The following GRM1 variants were observed in gnomAD, a reference collection of about 807,000 sequenced individuals.
GRM1 encodes the protein glutamate metabotropic receptor 1, also known as metabotropic glutamate receptor 1.
In GRM1, 33 loss-of-function variants were observed where a neutral mutation model predicts 90.9. The ratio of observed to expected loss-of-function variants is 0.36; its 90% confidence interval spans 0.28 to 0.49. The LOEUF is 0.49. Ranked by LOEUF, GRM1 falls within the 20% of genes least tolerant of loss-of-function variation. The pLI is 0.99. For synonymous variants in GRM1, 700 were observed against 613.2 expected, an observed-to-expected ratio of 1.14 and a Z score of -2.09; for missense variants, 1,190 against 1,534.3, an observed-to-expected ratio of 0.78 and a Z score of 3.75.
intron 2 of GRM1, among the ~76,000 whole-genome samples, chr6:146,243,384 G>A (rs939942729): frequency 4.6e-5 from 7 of 152,006 alleles, no homozygotes; most frequent in African/African-American, 1.7e-4. Context: ...GAAACCAGAG[G>A]AGTAACAGAA....
chr6:146,189,731 C>A (rs760762350), intron 2 of GRM1, among the ~76,000 whole-genome samples: 3 of 152,212 alleles, frequency 2.0e-5, no homozygotes, highest in African/African-American at 7.2e-5. Context: ...CTACCACATT[C>A]TCTGCAGAAG....
At position 146,083,148 on chromosome 6, in the gene GRM1, G is replaced by T. The variant is rs537356164; in HGVS notation, c.700+52931G>T. On this transcript the variant is annotated intron_variant, in intron 1 of 7. Coordinates refer to ENST00000282753, the MANE Select transcript of GRM1 (RefSeq NM_001278064.2). ...AAAGAGTTTTTGGGCTGAGATGATG[G>T]TGTTTTCTAAATATAGAATCATGTT... Among the ~76,000 whole-genome samples, 18 of 152,248 alleles carry T rather than the reference G, an allele frequency of 1.2e-4. No individual in the cohort carries two copies. The South Asian group carries it at 3.7e-3, about 32-fold the overall frequency.
chr6:146,200,971 G>A (rs556678686), intron 2 of GRM1, among the ~76,000 whole-genome samples: 1 of 152,146 alleles, frequency 6.6e-6, no homozygotes, highest in South Asian at 2.1e-4. Context: ...AAACTCATAG[G>A]GAAACATGAG....
At chr6:146,141,083 C>T (rs1583061637) in intron 1 of GRM1, among the ~76,000 whole-genome samples, 2 of 152,274 alleles carry the variant, frequency 1.3e-5, no homozygotes, top group South Asian at 4.1e-4. Context: ...AATCTCTCAA[C>T]TTATGTTTGT....
chr6:146,354,050 A>T (rs1785499792), intron 4 of GRM1, among the ~76,000 whole-genome samples: 1 of 152,286 alleles, frequency 6.6e-6, no homozygotes, highest in African/African-American at 2.4e-5. Flanking sequence ...ACCTTGTGAG[A>T]GCTAAGTGGA....
intron 2 of GRM1, among the ~76,000 whole-genome samples, chr6:146,208,109 A>G (rs1394817082): frequency 6.6e-6 from 1 of 152,030 alleles, no homozygotes; most frequent in Non-Finnish European, 1.5e-5. Flanking sequence ...CTTCATTTGT[A>G]TATACCTACA....
At chr6:146,398,665 T>A (rs1417528964) in intron 6 of GRM1, 104 bp from the exon 7 acceptor site, 4 of 835,216 alleles carry the variant, frequency 4.8e-6, no homozygotes, top group Non-Finnish European at 8.5e-6. Context: ...ATGCTGTAAA[T>A]CATGAAGGAT....
rs554930986 is a variant in GRM1 at position 146,102,551 on chromosome 6, T to C, written c.701-56797T>C. On this transcript the variant is annotated intron_variant, in intron 1 of 7. Transcript: ENST00000282753. ...TCATGCCAGCCTCAGAAATCTCTTC[T>C]ACCAATGCAGATTTCTTTGCATTCT... 4.6e-5 allele frequency among the ~76,000 whole-genome samples: 7 copies of C among 152,352 alleles called. No individual in the cohort carries two copies. In the East Asian group the frequency reaches 1.4e-3, roughly 29 times the overall value.
intron 2 of GRM1, among the ~76,000 whole-genome samples, chr6:146,257,255 A>G (rs1161187171): frequency 6.6e-6 from 1 of 152,158 alleles, no homozygotes; most frequent in Non-Finnish European, 1.5e-5. Flanking sequence ...TTTTCACCTT[A>G]TACAATCAGA....
chr6:146,415,690 G>T (rs80114276), intron 7 of GRM1, among the ~76,000 whole-genome samples: 1,625 of 152,208 alleles, frequency 0.011, 37 homozygotes, highest in African/African-American at 0.037. Context: ...TCCAGGTTTA[G>T]AATATCATTT....
intron 7 of GRM1, among the ~76,000 whole-genome samples, chr6:146,414,653 C>T (rs899588588): frequency 3.9e-5 from 6 of 152,320 alleles, no homozygotes; most frequent in South Asian, 2.1e-4. Context: ...CCGCCCGCCT[C>T]GGCCTCCCGA....
At chr6:146,330,024 T>TC in intron 3 of GRM1, among the ~76,000 whole-genome samples, 1 of 152,314 alleles carries the variant, frequency 6.6e-6, no homozygotes, top group South Asian at 2.1e-4. Context: ...CAGTGTTGAT[T>TC]AAGTAGGCTT....
chr6:146,374,173 T>A (rs1277899050), intron 5 of GRM1, among the ~76,000 whole-genome samples: 1 of 152,096 alleles, frequency 6.6e-6, no homozygotes, highest in Admixed American at 6.6e-5. Context: ...TCGCATTGAT[T>A]AATTTGCATA....
chr6:146,383,755 T>C (rs1184692642), intron 5 of GRM1, among the ~76,000 whole-genome samples: 2 of 152,102 alleles, frequency 1.3e-5, no homozygotes, highest in Non-Finnish European at 2.9e-5. Context: ...TTTTAAAGTA[T>C]GGCAATAATT....
intron 7 of GRM1, among the ~76,000 whole-genome samples, chr6:146,425,430 C>T (rs116527389): frequency 7.5e-4 from 114 of 152,250 alleles, no homozygotes; most frequent in African/African-American, 2.6e-3. Flanking sequence ...AGTTTTCACT[C>T]GTCTGTCTAC....
chr6:146,209,492 G>A (rs1341109912), intron 2 of GRM1, among the ~76,000 whole-genome samples: 1 of 152,060 alleles, frequency 6.6e-6, no homozygotes, highest in Non-Finnish European at 1.5e-5. Flanking sequence ...TCACATAAAA[G>A]GCTGACAGTC....
intron 1 of GRM1, among the ~76,000 whole-genome samples, chr6:146,031,949 T>C (rs1435945701): frequency 6.6e-6 from 1 of 152,208 alleles, no homozygotes; most frequent in East Asian, 1.9e-4. Flanking sequence ...AAGTATAAAT[T>C]CTTTCTTCAG....
At chr6:146,290,351 A>T (rs1474723046) in intron 2 of GRM1, among the ~76,000 whole-genome samples, 1 of 152,228 alleles carries the variant, frequency 6.6e-6, no homozygotes, top group African/African-American at 2.4e-5. Context: ...TTAACAACGT[A>T]AAAAACTGAC....
intron 1 of GRM1, among the ~76,000 whole-genome samples, chr6:146,110,131 G>T (rs575757607): frequency 3.3e-4 from 51 of 152,242 alleles, no homozygotes; most frequent in African/African-American, 1.2e-3. Context: ...GGGCACGATT[G>T]GTTTTGAAAT....
Sources: allele counts gnomAD v4.1 joint callset (sites outside exome capture counted in the v4.1 genomes callset), GRCh38; gene constraint gnomAD v4.1.1; transcripts MANE v1.5; gene names NCBI Gene and HGNC (gene_info 2026-07-23, HGNC 2026-07-21).